KSR2: variants seen among roughly 807,000 people sequenced by gnomAD.
KSR2 encodes kinase suppressor of ras 2.
A neutral mutation model predicts 107.8 loss-of-function variants in KSR2; 25 were observed. The ratio of observed to expected loss-of-function variants is 0.23; its 90% CI spans 0.17 to 0.32. KSR2 has a LOEUF of 0.32. Ranked by LOEUF, KSR2 falls within the 10% of genes least tolerant of loss-of-function variation. KSR2 has a pLI of 1.00. For missense variants in KSR2, 887 were observed against 1,268.9 expected, an observed-to-expected ratio of 0.70 and a Z score of 4.57; for synonymous variants, 480 against 507.0, an observed-to-expected ratio of 0.95 and a Z score of 0.71.
chr12:117,882,756 T>C (rs1402274748), intron 1 of KSR2, among the ~76,000 whole-genome samples: 1 of 150,818 alleles, frequency 6.6e-6, no homozygotes, highest in East Asian at 2.0e-4. Flanking sequence ...CATCCATCCA[T>C]CCAACAATCC....
At chr12:117,527,637 T>C (rs1405471572) in intron 12 of KSR2, among the ~76,000 whole-genome samples, 1 of 152,218 alleles carries the variant, frequency 6.6e-6, no homozygotes, top group Non-Finnish European at 1.5e-5. Context: ...TTAATAGATG[T>C]GTGTGCCAGG....
intron 5 of KSR2, among the ~76,000 whole-genome samples, chr12:117,609,914 C>G (rs1517197): frequency 0.027 from 4,059 of 152,102 alleles, 164 homozygotes; most frequent in South Asian, 0.14. Context: ...GCCATATGGC[C>G]CACAAAACCT....
Position 117,461,728 on chromosome 12 carries a change from T to C in KSR2, c.*5471A>G, listed in dbSNP as rs73399571. The C allele has an allele frequency of 9.7e-3, 1,514 of 156,436 alleles. 29 individuals carry two copies. The highest frequency in any genetic ancestry group is 0.034 in the African/African-American group (1,415 of 41,662). 9.7% of individuals were successfully genotyped at this position (156,436 alleles called of 1,614,324 possible). On this transcript the variant is annotated 3_prime_UTR_variant, in exon 20 of 20. Transcript: ENST00000339824. ...TCACTCCCCTTGGAGTTCAAAGTGA[T>C]TCCCTTGCAGGTGTGTGCAGGTGAG...
At chr12:117,695,845 C>G (rs1886034416) in intron 4 of KSR2, among the ~76,000 whole-genome samples, 1 of 152,046 alleles carries the variant, frequency 6.6e-6, no homozygotes, top group Non-Finnish European at 1.5e-5. Flanking sequence ...GAGAAAGACA[C>G]CGGAAAGGTC....
At chr12:117,877,733 C>A (rs1893905825) in intron 1 of KSR2, among the ~76,000 whole-genome samples, 1 of 152,152 alleles carries the variant, frequency 6.6e-6, no homozygotes, top group South Asian at 2.1e-4. Flanking sequence ...CTGTCCCCTT[C>A]CTTATTTTTC....
chr12:117,733,043 G>C (rs1038190433), intron 4 of KSR2, among the ~76,000 whole-genome samples: 2 of 152,170 alleles, frequency 1.3e-5, no homozygotes, highest in Non-Finnish European at 2.9e-5. Flanking sequence ...CTGCATACCT[G>C]CAAGAATTAA....
At chr12:117,892,900 C>T (rs542922610) in intron 1 of KSR2, among the ~76,000 whole-genome samples, 1 of 151,894 alleles carries the variant, frequency 6.6e-6, no homozygotes, top group Non-Finnish European at 1.5e-5. Context: ...GCTGCCCTGT[C>T]CCATGTCCTA....
rs1374757586 is a variant in KSR2, at chr12:117,834,547, T to C, written c.472+20881A>G. Among the ~76,000 whole-genome samples, 4 of 152,042 alleles carry C rather than the reference T, an allele frequency of 2.6e-5. No individual in the cohort carries two copies. The East Asian group carries it at 5.8e-4, about 22-fold the overall frequency. On this transcript the variant is annotated intron_variant, in intron 3 of 19. Coordinates refer to ENST00000339824, the MANE Select transcript of KSR2 (RefSeq NM_173598.6). ...TTTGATAGGCAATAAAATAAAATAATCAACCCAGGAGGCAACAGGAGAAGC... is the reference window on the plus strand; with the variant it reads ...TTTGATAGGCAATAAAATAAAATAACCAACCCAGGAGGCAACAGGAGAAGC...
chr12:117,923,470 T>A (rs942456550), intron 1 of KSR2, among the ~76,000 whole-genome samples: 1 of 152,110 alleles, frequency 6.6e-6, no homozygotes. Context: ...GAGGACTGCT[T>A]GAGGCCAGGA....
At chr12:117,670,063 C>T (rs927674257) in intron 4 of KSR2, among the ~76,000 whole-genome samples, 25 of 152,212 alleles carry the variant, frequency 1.6e-4, no homozygotes, top group African/African-American at 5.8e-4. Context: ...TTCCAACAGG[C>T]CCTCTCATAC....
intron 3 of KSR2, among the ~76,000 whole-genome samples, chr12:117,829,835 G>A (rs1891893186): frequency 1.3e-5 from 2 of 152,202 alleles, no homozygotes; most frequent in African/African-American, 4.8e-5. Flanking sequence ...TCCTGGATTA[G>A]ACTATTCAAC....
chr12:117,760,909 T>C (rs1888977876), intron 4 of KSR2, 102 bp downstream of exon 4: 2 of 1,449,840 alleles, frequency 1.4e-6, no homozygotes, highest in African/African-American at 1.4e-5. Context: ...GGAACGCAAG[T>C]CTGTTCCCGG....
chr12:117,585,074 G>A (rs1228150825), intron 5 of KSR2, among the ~76,000 whole-genome samples: 6 of 152,188 alleles, frequency 3.9e-5, no homozygotes, highest in Admixed American at 2.6e-4. Context: ...GTGTGTGCGT[G>A]TGTGTGTGTT....
At chr12:117,835,094 A>T (rs1298817435) in intron 3 of KSR2, among the ~76,000 whole-genome samples, 1 of 152,196 alleles carries the variant, frequency 6.6e-6, no homozygotes. Flanking sequence ...GGCATTTGGC[A>T]GACCAAGACA....
chr12:117,877,688 T>C (rs976334753), intron 1 of KSR2, among the ~76,000 whole-genome samples: 3 of 152,158 alleles, frequency 2.0e-5, no homozygotes, highest in Non-Finnish European at 4.4e-5. Flanking sequence ...TAAGGTCACA[T>C]GGATAAAACA....
At chr12:117,470,061 C>T (rs1871345976) in intron 18 of KSR2, among the ~76,000 whole-genome samples, 1 of 151,774 alleles carries the variant, frequency 6.6e-6, no homozygotes, top group Non-Finnish European at 1.5e-5. Flanking sequence ...TCAATTCACT[C>T]TTCCATCCTT....
chr12:117,839,947 CACA>C (rs1892394108), intron 3 of KSR2, among the ~76,000 whole-genome samples: 1 of 152,228 alleles, frequency 6.6e-6, no homozygotes, highest in South Asian at 2.1e-4. Context: ...ATTTAAGTTA[CACA>C]ACTACTTATT....
At chr12:117,558,604 T>C in intron 7 of KSR2, 31 bp from the exon 8 acceptor site, 2 of 1,577,072 alleles carry the variant, frequency 1.3e-6, no homozygotes, top group Non-Finnish European at 8.7e-7. Flanking sequence ...GAAAGATGGA[T>C]AGGTGAATGG....
At chr12:117,622,409 C>A (rs895146929) in intron 5 of KSR2, among the ~76,000 whole-genome samples, 3 of 152,104 alleles carry the variant, frequency 2.0e-5, no homozygotes, top group African/African-American at 7.2e-5. Context: ...TCTCAGAGAA[C>A]CTCTTTGATA....
Sources: allele counts gnomAD v4.1 joint callset (sites outside exome capture counted in the v4.1 genomes callset), GRCh38; gene constraint gnomAD v4.1.1; transcripts MANE v1.5; gene names NCBI Gene and HGNC (gene_info 2026-07-23, HGNC 2026-07-21).